The following RBPJ variants were observed in gnomAD, a reference collection of about 807,000 sequenced individuals.
RBPJ encodes recombining binding protein suppressor of hairless.
In RBPJ, 9 loss-of-function variants were observed where a neutral mutation model predicts 67.8. That is an observed-to-expected ratio of 0.13 (90% CI 0.08 to 0.23). RBPJ has a LOEUF of 0.23. Ranked by LOEUF, RBPJ falls within the 10% of genes least tolerant of loss-of-function variation. The pLI, the probability that RBPJ is intolerant of heterozygous loss-of-function variation, is 1.00. For missense variants in RBPJ, 305 were observed against 595.6 expected (o/e 0.51, Z 5.08); for synonymous variants, 198 against 203.3 (o/e 0.97, Z 0.22).
intron 1 of RBPJ, among the ~76,000 whole-genome samples, chr4:26,189,183 C>T (rs1046730566): frequency 1.3e-5 from 2 of 152,176 alleles, no homozygotes; most frequent in South Asian, 4.1e-4. Context: ...TGCTACTGTA[C>T]TCCTGCCTGG....
At chr4:26,162,431 G>A (rs569638498), upstream of RBPJ, among the ~76,000 whole-genome samples, 5 of 152,366 alleles carry the variant, frequency 3.3e-5, no homozygotes, top group East Asian at 9.6e-4. Context: ...GTCACGTGCT[G>A]TGCCCAAGGC....
intron 1 of RBPJ, among the ~76,000 whole-genome samples, chr4:26,192,199 G>T (rs1577456452): frequency 6.6e-6 from 1 of 152,130 alleles, no homozygotes; most frequent in East Asian, 1.9e-4. Context: ...GTAGAGACAG[G>T]GTTTCAACCA....
the RBPJ span, among the ~76,000 whole-genome samples, chr4:26,110,424 C>T: frequency 6.6e-6 from 1 of 152,160 alleles, no homozygotes; most frequent in Non-Finnish European, 1.5e-5. This position sits in a 1 kb window ranked among gnomAD's most constrained non-coding sequence, Gnocchi z 4.5. Context: ...TGGGCACCTC[C>T]ACATCTAACC....
intron 1 of RBPJ, among the ~76,000 whole-genome samples, chr4:26,326,837 A>G (rs981950156): frequency 2.6e-5 from 4 of 152,126 alleles, no homozygotes; most frequent in Non-Finnish European, 4.4e-5. Context: ...TGGACTTTTT[A>G]TACTGCAAGC....
intron 1 of RBPJ, among the ~76,000 whole-genome samples, chr4:26,352,733 T>C (rs1726942529): frequency 6.6e-6 from 1 of 152,110 alleles, no homozygotes; most frequent in South Asian, 2.1e-4. Context: ...TCAAACAAAA[T>C]CAAACAAAAT....
At position 26,212,046 on chromosome 4, in the gene RBPJ, C is replaced by T. The variant is rs909062723; in HGVS notation, c.-167+48432C>T. ...TGGGAACAGAGCATCCCTCAGAGCCCTCAGAAGGAGCCAACTCTGCTGATG... is the reference window on the plus strand; with the variant it reads ...TGGGAACAGAGCATCCCTCAGAGCCTTCAGAAGGAGCCAACTCTGCTGATG... On this transcript the variant is annotated intron_variant, in intron 1 of 4. Transcript: ENST00000512351. Among the ~76,000 whole-genome samples, 8 of 152,232 alleles carry T rather than the reference C, an allele frequency of 5.3e-5. No individual in the cohort carries two copies. In the East Asian group the frequency reaches 1.2e-3, roughly 22 times the overall value.
At chr4:26,155,581 T>C in the RBPJ span, among the ~76,000 whole-genome samples, 2 of 152,156 alleles carry the variant, frequency 1.3e-5, no homozygotes, top group South Asian at 4.1e-4. Context: ...ACTACAGGCA[T>C]GCACCACCAC....
chr4:26,248,293 A>AAATC (rs766730405), intron 1 of RBPJ, among the ~76,000 whole-genome samples: 5 of 152,166 alleles, frequency 3.3e-5, no homozygotes, highest in Non-Finnish European at 7.3e-5. Flanking sequence ...TCCATCTCAA[A>AAATC]AATCAATCAA....
chr4:26,257,574 A>C (rs1370919630), intron 1 of RBPJ, among the ~76,000 whole-genome samples: 1 of 152,206 alleles, frequency 6.6e-6, no homozygotes, highest in Admixed American at 6.5e-5. Flanking sequence ...GCTTGCAGTG[A>C]GCCAAGACTG....
chr4:26,132,553 G>A, the RBPJ span, among the ~76,000 whole-genome samples: 1 of 152,242 alleles, frequency 6.6e-6, no homozygotes, highest in Non-Finnish European at 1.5e-5. Context: ...TGGAAGCTGG[G>A]AGCCACTGGG....
chr4:26,329,617 G>A (rs938609346), intron 1 of RBPJ, among the ~76,000 whole-genome samples: 21 of 152,128 alleles, frequency 1.4e-4, no homozygotes, highest in African/African-American at 4.8e-4. Context: ...TGGGCCGGCT[G>A]GGCGCGGTGG....
the RBPJ span, among the ~76,000 whole-genome samples, chr4:26,131,728 C>A: frequency 1.3e-5 from 2 of 152,198 alleles, no homozygotes; most frequent in Non-Finnish European, 2.9e-5. Flanking sequence ...AGAATGGTGG[C>A]CCTGTTGACT....
At chr4:26,377,836 T>C (rs1348401908) in intron 1 of RBPJ, among the ~76,000 whole-genome samples, 1 of 152,360 alleles carries the variant, frequency 6.6e-6, no homozygotes, top group East Asian at 1.9e-4. Flanking sequence ...AATTTTATCT[T>C]GTGTCTTGTA....
chr4:26,405,043 G>T (rs906247211), intron 2 of RBPJ, among the ~76,000 whole-genome samples: 2 of 152,096 alleles, frequency 1.3e-5, no homozygotes, highest in Non-Finnish European at 2.9e-5. Context: ...TTATATCCTG[G>T]TATTACTGCC....
intron 1 of RBPJ, among the ~76,000 whole-genome samples, chr4:26,336,239 C>T (rs1403584668): frequency 1.3e-5 from 2 of 152,156 alleles, no homozygotes; most frequent in African/African-American, 4.8e-5. Flanking sequence ...GGGTAAATTT[C>T]CTTCCAAACT....
At chr4:26,152,242 G>A in the RBPJ span, among the ~76,000 whole-genome samples, 2 of 152,212 alleles carry the variant, frequency 1.3e-5, no homozygotes, top group Non-Finnish European at 2.9e-5. Context: ...CTAGTGACGT[G>A]TAGACAGAGT....
intron 1 of RBPJ, among the ~76,000 whole-genome samples, chr4:26,191,656 C>T (rs912186895): frequency 2.6e-5 from 4 of 152,186 alleles, no homozygotes; most frequent in Admixed American, 6.5e-5. Context: ...ACTTAACTCT[C>T]CCAGCAATGA....
At chr4:26,400,437 A>G (rs920004472) in intron 2 of RBPJ, among the ~76,000 whole-genome samples, 1 of 152,242 alleles carries the variant, frequency 6.6e-6, no homozygotes. Flanking sequence ...GTGCTGAGAT[A>G]GAAATCCTAT....
At chr4:26,269,132 C>T (rs1043027898) in intron 1 of RBPJ, among the ~76,000 whole-genome samples, 2 of 152,084 alleles carry the variant, frequency 1.3e-5, no homozygotes, top group Non-Finnish European at 1.5e-5. Context: ...AGCACTTTCT[C>T]CAATTCCCTT....
Sources: gnomAD v4.1 joint callset for allele counts (sites outside exome capture counted in the v4.1 genomes callset) on GRCh38, gnomAD v4.1.1 for gene constraint, Gnocchi (gnomAD v3.1) non-coding constraint, MANE v1.5 for transcripts, NCBI Gene and HGNC (gene_info 2026-07-23, HGNC 2026-07-21) for gene names.